Variants in RAD18 observed in about 807,000 individuals in gnomAD.
RAD18 encodes the protein RAD18 E3 ubiquitin protein ligase, also known as E3 ubiquitin-protein ligase RAD18.
In RAD18, 47 loss-of-function variants were observed where a neutral mutation model predicts 60.4. That is an observed-to-expected ratio of 0.78 (90% CI 0.62 to 0.99). The LOEUF (loss-of-function observed/expected upper bound fraction) is 0.99. RAD18 is among the 50% of genes least tolerant of loss of function. The pLI is 0.00. For missense variants in RAD18, 640 were observed against 593.3 expected, an observed-to-expected ratio of 1.08 and a Z score of -0.82; for synonymous variants, 225 against 195.5, an observed-to-expected ratio of 1.15 and a Z score of -1.26.
Position 8,879,616 on chromosome 3 carries a change from G to A in RAD18, c.*1741C>T, listed in dbSNP as rs1939422450. 6.6e-6 allele frequency: 1 copy of A among 152,250 alleles called. No individual in the cohort carries two copies. 9.4% of individuals were successfully genotyped at this position (152,250 alleles called of 1,614,324 possible). The stretch of plus-strand genomic sequence containing the variant: ...GCCTCATCCCTGGCCTCCACCCATT[G>A]ATACTGGTAGTACCCCTCACCACCC... On this transcript the variant is annotated 3_prime_UTR_variant, in exon 13 of 13. Coordinates refer to ENST00000264926, the MANE Select transcript of RAD18 (RefSeq NM_020165.4).
At chr3:8,930,558 A>AC (rs1310783080) in intron 7 of RAD18, among the ~76,000 whole-genome samples, 6 of 152,218 alleles carry the variant, frequency 3.9e-5, no homozygotes, top group Non-Finnish European at 7.4e-5. Flanking sequence ...ATATCTCAGT[A>AC]TTATATGAAT....
intron 6 of RAD18, among the ~76,000 whole-genome samples, chr3:8,938,497 T>C (rs1371032800): frequency 1.3e-5 from 2 of 152,202 alleles, no homozygotes; most frequent in African/African-American, 2.4e-5. Context: ...CATTCTTTCA[T>C]CCCCACTTCT....
chr3:8,934,680 A>ACCT (rs45515395), intron 7 of RAD18, among the ~76,000 whole-genome samples: 1,616 of 152,350 alleles, frequency 0.011, 16 homozygotes, highest in Non-Finnish European at 0.016. Flanking sequence ...TGAAAGCTGA[A>ACCT]TATCTGCAAA....
intron 7 of RAD18, among the ~76,000 whole-genome samples, chr3:8,927,422 G>C (rs1454146835): frequency 1.3e-5 from 2 of 152,202 alleles, no homozygotes; most frequent in Non-Finnish European, 2.9e-5. Context: ...AGGTGCTGGA[G>C]AGGATGTGGA....
At position 8,878,799 on chromosome 3, in the gene RAD18, C is replaced by G. The variant is rs1312789038; in HGVS notation, c.*2558G>C. 1 of 152,222 alleles carries G rather than the reference C, an allele frequency of 6.6e-6. No individual in the cohort carries two copies. Among genetic ancestry groups the G allele is most frequent in the Non-Finnish European group, 1.5e-5 (1 of 68,042 alleles). 9.4% of individuals were successfully genotyped at this position (152,222 alleles called of 1,614,324 possible). ...CTGCACCCCCACAAACCATAAGCATCACTGCCATTCTGAGCTGATGTTGAT... is the reference window on the plus strand; with the variant it reads ...CTGCACCCCCACAAACCATAAGCATGACTGCCATTCTGAGCTGATGTTGAT... On this transcript the variant is annotated 3_prime_UTR_variant, in exon 13 of 13. Transcript: ENST00000264926.
In RAD18 at chr3:8,941,743, T is replaced by C. The variant is rs146718072; in HGVS notation, c.328A>G (p.Lys110Glu). The C allele has an allele frequency of 5.0e-4, 802 of 1,614,094 alleles. 5 individuals carry two copies. In the African/African-American group the frequency reaches 9.8e-3, roughly 20 times the overall value. Residue 110 changes from lysine to glutamate, a missense_variant, in exon 5 of 13, where the codon AAG becomes GAG. Transcript: ENST00000264926. ...PAKSPASSSS[K>E]NLAVKVYTPV... ...GTATATACTTTGACAGCAAGATTCT[T>C]TGAAGAGGAAGAAGCAGGAGATTTG...
chr3:8,910,004 T>G (rs1349266682), intron 9 of RAD18, among the ~76,000 whole-genome samples: 1 of 152,146 alleles, frequency 6.6e-6, no homozygotes, highest in African/African-American at 2.4e-5. Flanking sequence ...AGAGGGAGAC[T>G]TGGAACTTGG....
chr3:8,926,784 A>G, intron 7 of RAD18, among the ~76,000 whole-genome samples: 1 of 152,180 alleles, frequency 6.6e-6, no homozygotes, highest in Non-Finnish European at 1.5e-5. Flanking sequence ...TCTTTGACAA[A>G]CCTGACAAAA....
chr3:8,933,074 C>T (rs966445761), intron 7 of RAD18, among the ~76,000 whole-genome samples: 4 of 150,650 alleles, frequency 2.7e-5, no homozygotes, highest in Non-Finnish European at 4.4e-5. Flanking sequence ...CCAGCCTGGC[C>T]GACAGAGAGA....
chr3:8,902,971 A>G (rs1415094060), intron 9 of RAD18, among the ~76,000 whole-genome samples: 1 of 151,492 alleles, frequency 6.6e-6, no homozygotes, highest in Non-Finnish European at 1.5e-5. Flanking sequence ...GGTTTCAGTG[A>G]CCCGAGATTG....
intron 9 of RAD18, among the ~76,000 whole-genome samples, chr3:8,905,285 C>A (rs1249010140): frequency 6.6e-6 from 1 of 152,142 alleles, no homozygotes; most frequent in East Asian, 1.9e-4. Flanking sequence ...ATCCTTTGTG[C>A]CTCTCTAAGT....
In RAD18 at chr3:8,939,580, G is replaced by A. The variant is rs772985335; in HGVS notation, c.678C>T (p.Arg226=). 8 of 1,612,464 alleles carry A rather than the reference G, an allele frequency of 5.0e-6. No homozygotes were observed. The highest frequency in any genetic ancestry group is 3.3e-5 in the Admixed American group (2 of 59,902). The part of the protein sequence containing the change: ...INKHLDSCLS[R]EEKKESLRSS... ...TTCTGAGGCTTTCCTTCTTCTCTTC[G>A]CGTGATAAACAGCTGTCTAAATGCT... The change falls in exon 6 of 13, where the codon CGC becomes CGT. Residue 226 remains arginine, a synonymous_variant. Transcript: ENST00000264926.
intron 9 of RAD18, among the ~76,000 whole-genome samples, chr3:8,906,056 G>A (rs1484496591): frequency 2.0e-5 from 3 of 152,142 alleles, no homozygotes; most frequent in African/African-American, 7.2e-5. Flanking sequence ...CTGTGCCTTT[G>A]AACCTAGAGT....
intron 7 of RAD18, among the ~76,000 whole-genome samples, chr3:8,930,934 T>C (rs1341884559): frequency 6.6e-6 from 1 of 152,082 alleles, no homozygotes; most frequent in East Asian, 1.9e-4. Context: ...AGAAATTCAT[T>C]TAAAAAAAAG....
At chr3:8,886,608 T>A (rs913675122) in intron 12 of RAD18, among the ~76,000 whole-genome samples, 6 of 152,226 alleles carry the variant, frequency 3.9e-5, no homozygotes, top group Non-Finnish European at 8.8e-5. Context: ...CCAGGCACAG[T>A]GCTAGGTGCT....
intron 11 of RAD18, among the ~76,000 whole-genome samples, chr3:8,896,882 G>A (rs1411889087): frequency 1.3e-5 from 2 of 151,860 alleles, no homozygotes; most frequent in Non-Finnish European, 1.5e-5. Flanking sequence ...AAAAGAGAGA[G>A]AAAGAATACA....
At chr3:8,960,137 T>C (rs1941072593) in intron 1 of RAD18, among the ~76,000 whole-genome samples, 2 of 151,984 alleles carry the variant, frequency 1.3e-5, no homozygotes, top group Admixed American at 6.6e-5. Flanking sequence ...CAAAAATCCA[T>C]GTCTATAAAA....
At chr3:8,946,674 C>A (rs897950615) in intron 4 of RAD18, among the ~76,000 whole-genome samples, 1 of 152,116 alleles carries the variant, frequency 6.6e-6, no homozygotes, top group Non-Finnish European at 1.5e-5. Flanking sequence ...AAATGCCATA[C>A]CATTTAATAC....
intron 2 of RAD18, among the ~76,000 whole-genome samples, chr3:8,956,088 CTT>C (rs1182309423): frequency 1.3e-5 from 2 of 152,164 alleles, no homozygotes; most frequent in Non-Finnish European, 2.9e-5. Flanking sequence ...CTCAAAATAT[CTT>C]GTGCTGTACT....
Sources: gnomAD v4.1 joint callset for allele counts (sites outside exome capture counted in the v4.1 genomes callset) on GRCh38, gnomAD v4.1.1 for gene constraint, MANE v1.5 for transcripts, NCBI Gene and HGNC (gene_info 2026-07-23, HGNC 2026-07-21) for gene names.